Variants in UBE2O observed in about 807,000 individuals in gnomAD.
The protein encoded by UBE2O is (E3-independent) E2 ubiquitin-conjugating enzyme.
A neutral mutation model predicts 125.8 loss-of-function variants in UBE2O; 15 were observed. The observed-to-expected ratio is 0.12, with a 90% confidence interval of 0.08 to 0.18. UBE2O has a LOEUF of 0.18. Ranked by LOEUF, UBE2O falls within the 10% of genes least tolerant of loss-of-function variation. The pLI, the probability that UBE2O is intolerant of heterozygous loss-of-function variation, is 1.00. For synonymous variants in UBE2O, 708 were observed against 703.2 expected (o/e 1.01, Z -0.11); for missense variants, 1,280 against 1,723.6 (o/e 0.74, Z 4.56).
At position 76,441,518 on chromosome 17, in the gene UBE2O, G is replaced by A. The variant is rs2073074922; in HGVS notation, c.417+11207C>T. ...GCACTAGAAGAATAAGCAGAGGGGA[G>A]AGAAAAAGCCTCGAACCAAAGACGT... On this transcript the variant is annotated intron_variant, in intron 1 of 17. Coordinates refer to ENST00000319380, the MANE Select transcript of UBE2O (RefSeq NM_022066.4). Among the ~76,000 whole-genome samples, 3 of 152,146 alleles carry A rather than the reference G, an allele frequency of 2.0e-5. No individual in the cohort carries two copies. The South Asian group carries it at 6.2e-4, about 31-fold the overall frequency.
chr17:76,447,996 T>G (rs1248871438), intron 1 of UBE2O, among the ~76,000 whole-genome samples: 1 of 152,224 alleles, frequency 6.6e-6, no homozygotes, highest in Non-Finnish European at 1.5e-5. Context: ...GATAGACCTC[T>G]TATTTCATTG....
chr17:76,409,630 A>G (rs750312229), intron 1 of UBE2O, among the ~76,000 whole-genome samples: 6 of 149,694 alleles, frequency 4.0e-5, no homozygotes, highest in Non-Finnish European at 8.9e-5. Context: ...TCCTGACCCC[A>G]TGACCTGCCC....
intron 1 of UBE2O, among the ~76,000 whole-genome samples, chr17:76,420,083 C>T (rs1235041083): frequency 6.6e-6 from 1 of 152,188 alleles, no homozygotes; most frequent in East Asian, 1.9e-4. Context: ...CACCCCTACC[C>T]AGCGCAGCAG....
intron 1 of UBE2O, among the ~76,000 whole-genome samples, chr17:76,415,295 C>A (rs1050703509): frequency 6.6e-6 from 1 of 152,194 alleles, no homozygotes; most frequent in African/African-American, 2.4e-5. Flanking sequence ...CACTGCCTCT[C>A]CCAACCCTAT....
intron 1 of UBE2O, among the ~76,000 whole-genome samples, chr17:76,450,020 A>G (rs1433180273): frequency 6.6e-6 from 1 of 151,924 alleles, no homozygotes; most frequent in Non-Finnish European, 1.5e-5. Flanking sequence ...GAGACCAGGA[A>G]TTCAAGGACA....
intron 3 of UBE2O, among the ~76,000 whole-genome samples, chr17:76,403,568 G>A (rs928482299): frequency 3.0e-4 from 45 of 152,254 alleles, no homozygotes; most frequent in Middle Eastern, 3.4e-3. Context: ...CACTGCGCCC[G>A]TGAACTCTGC....
chr17:76,449,772 T>C (rs569453584), intron 1 of UBE2O, among the ~76,000 whole-genome samples: 3 of 151,280 alleles, frequency 2.0e-5, no homozygotes, highest in Non-Finnish European at 4.4e-5. Flanking sequence ...TACAAAAAAT[T>C]AGCCGGGCGT....
At chr17:76,434,317 T>A (rs895818297) in intron 1 of UBE2O, among the ~76,000 whole-genome samples, 9 of 152,084 alleles carry the variant, frequency 5.9e-5, no homozygotes, top group Non-Finnish European at 1.3e-4. Flanking sequence ...TCCTTCTTAT[T>A]CTGATGTTCC....
At chr17:76,441,570 C>T (rs1476102000) in intron 1 of UBE2O, among the ~76,000 whole-genome samples, 2 of 152,246 alleles carry the variant, frequency 1.3e-5, no homozygotes, top group Non-Finnish European at 2.9e-5. Flanking sequence ...TTGACATCAA[C>T]GAGGTTTGGA....
At position 76,404,960 on chromosome 17, in the gene UBE2O, T is replaced by G. The variant is rs2072390474; in HGVS notation, c.588+246A>C. 6.6e-6 allele frequency among the ~76,000 whole-genome samples: 1 copy of G among 152,072 alleles called. No individual in the cohort carries two copies. Among genetic ancestry groups the G allele is most frequent in the Admixed American group, 6.6e-5 (1 of 15,258 alleles). Reference sequence around the variant, plus strand: ...TGTTAGAGGAGAAAGGAAAAACACTTAAAGATAACCACACTGGCAGCCTAT... The same window carrying G: ...TGTTAGAGGAGAAAGGAAAAACACTGAAAGATAACCACACTGGCAGCCTAT... On this transcript the variant is annotated intron_variant, in intron 3 of 17. Transcript: ENST00000319380. The surrounding 1 kb of genome is among the most constrained non-coding windows in gnomAD (Gnocchi z 4.3).
At chr17:76,433,061 C>T (rs555189898) in intron 1 of UBE2O, among the ~76,000 whole-genome samples, 23 of 152,176 alleles carry the variant, frequency 1.5e-4, no homozygotes, top group African/African-American at 4.6e-4. Context: ...ACCTACCATA[C>T]GACCCAACAA....
At position 76,403,718 on chromosome 17, in the gene UBE2O, G is replaced by A. The variant is rs114283949; in HGVS notation, c.589-1019C>T. Among the ~76,000 whole-genome samples, 58 of 152,230 alleles carry A rather than the reference G, an allele frequency of 3.8e-4. 1 individual carries two copies. The highest frequency in any genetic ancestry group is 3.4e-3 in the Middle Eastern group (1 of 294). On this transcript the variant is annotated intron_variant, in intron 3 of 17. Coordinates refer to ENST00000319380, the MANE Select transcript of UBE2O (RefSeq NM_022066.4). ...TAGCACACCTAGCATCCAGATCTTG[G>A]GTTTTAAAAATACCATTCTCTGAAA...
At position 76,419,723 on chromosome 17, in the gene UBE2O, C is replaced by T. The variant is rs73359807; in HGVS notation, c.418-14151G>A. ...AAGAGCAGATCCCGCCAGCACGCAT[C>T]CTTGGGAACCTGGTGGACATGGTTT... is the stretch of plus-strand genomic sequence containing the variant. On this transcript the variant is annotated intron_variant, in intron 1 of 17. Transcript: ENST00000319380. Among the ~76,000 whole-genome samples, 996 of 152,332 alleles carry T rather than the reference C, an allele frequency of 6.5e-3. 12 individuals are homozygous for T. Among genetic ancestry groups the T allele is most frequent in the African/African-American group, 0.022 (926 of 41,562 alleles).
At position 76,410,529 on chromosome 17, in the gene UBE2O, C is replaced by A. The variant is rs148708916; in HGVS notation, c.418-4957G>T. On this transcript the variant is annotated intron_variant, in intron 1 of 17. Coordinates refer to ENST00000319380, the MANE Select transcript of UBE2O (RefSeq NM_022066.4). The surrounding 1 kb of genome is among the most constrained non-coding windows in gnomAD (Gnocchi z 4.0). Reference sequence around the variant, plus strand: ...GCTCTGGAGACGCAGGTGCTGAGACCCGAACAATGGCAGAGAAGGTGGGTC... The same window carrying A: ...GCTCTGGAGACGCAGGTGCTGAGACACGAACAATGGCAGAGAAGGTGGGTC... 1.3e-5 allele frequency among the ~76,000 whole-genome samples: 2 copies of A among 152,206 alleles called. No individual in the cohort carries two copies. Among genetic ancestry groups the A allele is most frequent in the African/African-American group, 4.8e-5 (2 of 41,516 alleles).
chr17:76,418,518 A>AT (rs940689367), intron 1 of UBE2O, among the ~76,000 whole-genome samples: 1 of 152,060 alleles, frequency 6.6e-6, no homozygotes, highest in Non-Finnish European at 1.5e-5. Flanking sequence ...AAAGACCATG[A>AT]AGCTGTGGAA....
intron 1 of UBE2O, among the ~76,000 whole-genome samples, chr17:76,441,564 C>T (rs911135624): frequency 1.3e-5 from 2 of 152,118 alleles, no homozygotes; most frequent in African/African-American, 4.8e-5. Context: ...AACCCATTGA[C>T]ATCAACGAGG....
chr17:76,397,303 C>T (rs2072229679), intron 13 of UBE2O, among the ~76,000 whole-genome samples: 1 of 152,234 alleles, frequency 6.6e-6, no homozygotes, highest in South Asian at 2.1e-4. Context: ...CGCCCCCACT[C>T]CTGCCCCCTG....
intron 1 of UBE2O, among the ~76,000 whole-genome samples, chr17:76,441,863 A>G (rs943528356): frequency 2.5e-4 from 38 of 152,360 alleles, no homozygotes; most frequent in African/African-American, 7.7e-4. Flanking sequence ...TAGGCCTGGC[A>G]TAGCCACTGC....
Position 76,398,549 on chromosome 17 carries a change from C to T in UBE2O, c.1819G>A (p.Val607Ile). 2 of 1,614,138 alleles carry T rather than the reference C, an allele frequency of 1.2e-6. No homozygotes were observed. Among genetic ancestry groups the T allele is most frequent in the African/African-American group, 1.3e-5 (1 of 75,034 alleles). The change falls in exon 11 of 18, where the codon GTA (valine) becomes ATA (isoleucine). Residue 607 changes from valine to isoleucine, a missense_variant. Val to Ile is a conservative substitution (Grantham distance 29). This residue lies in a region of UBE2O where 145 missense variants were observed against 219.6 expected (regional missense o/e 0.66). Transcript: ENST00000319380. The surrounding 1 kb of genome is among the most constrained non-coding windows in gnomAD (Gnocchi z 5.4). ...CGGCCGATGTGGTCCCCAGACTGTA[C>T]CACACCGTAGACAGCAGGGTCTGGA... ...SCPDPAVYGVVQSGDHIGRTC... is the reference protein window; with the variant it reads ...SCPDPAVYGVIQSGDHIGRTC...
Sources: gnomAD v4.1 joint callset for allele counts (sites outside exome capture counted in the v4.1 genomes callset) on GRCh38, gnomAD v4.1.1 for gene constraint, gnomAD v4.1.1 regional missense constraint, Gnocchi (gnomAD v3.1) non-coding constraint, MANE v1.5 for transcripts, NCBI Gene and HGNC (gene_info 2026-07-23, HGNC 2026-07-21) for gene names.